SGCZ: variants seen among roughly 807,000 people sequenced by gnomAD.
SGCZ encodes sarcoglycan zeta.
A neutral mutation model predicts 41.3 loss-of-function variants in SGCZ; 40 were observed. That is an observed-to-expected ratio of 0.97 (90% CI 0.75 to 1.26). The LOEUF is 1.26. Among genes scored for constraint, SGCZ ranks in the 50% most tolerant of loss-of-function variants. The pLI, the probability that SGCZ is intolerant of heterozygous loss-of-function variation, is 0.00. For missense variants in SGCZ, 552 were observed against 369.8 expected (o/e 1.49, Z -4.04); for synonymous variants, 206 against 137.5 (o/e 1.50, Z -3.49).
At chr8:14,914,332 T>C (rs192609107) in intron 1 of SGCZ, among the ~76,000 whole-genome samples, 1 of 152,268 alleles carries the variant, frequency 6.6e-6, no homozygotes, top group East Asian at 1.9e-4. Context: ...TTTTTGTATG[T>C]ACATCTCTCA....
chr8:14,513,536 A>ATATATTATTTAATATAATTT (rs1802526537), intron 2 of SGCZ, among the ~76,000 whole-genome samples: 1 of 151,252 alleles, frequency 6.6e-6, no homozygotes, highest in African/African-American at 2.4e-5. Context: ...AATATACATT[A>ATATATTATTTAATATAATTT]AAACAACTCT....
chr8:14,704,041 A>G (rs1381721365), intron 1 of SGCZ, among the ~76,000 whole-genome samples: 1 of 151,990 alleles, frequency 6.6e-6, no homozygotes, highest in Non-Finnish European at 1.5e-5. Flanking sequence ...ATAGCCTCTC[A>G]GTTATACTTA....
At chr8:14,826,949 T>C (rs1459480403) in intron 1 of SGCZ, among the ~76,000 whole-genome samples, 2 of 152,138 alleles carry the variant, frequency 1.3e-5, no homozygotes, top group Non-Finnish European at 2.9e-5. Flanking sequence ...TTAGATCCCA[T>C]TTGTCAATTT....
chr8:14,850,420 A>C (rs911150564), intron 1 of SGCZ, among the ~76,000 whole-genome samples: 3 of 152,184 alleles, frequency 2.0e-5, no homozygotes, highest in African/African-American at 7.2e-5. Context: ...AAGATGGAGA[A>C]AACAAAGGGA....
At chr8:14,699,344 T>A (rs1809063824) in intron 1 of SGCZ, among the ~76,000 whole-genome samples, 1 of 151,200 alleles carries the variant, frequency 6.6e-6, no homozygotes, top group Non-Finnish European at 1.5e-5. Flanking sequence ...CTTCAGCAAG[T>A]CAACAATCAC....
chr8:14,775,175 T>C (rs1034488223), intron 1 of SGCZ, among the ~76,000 whole-genome samples: 77 of 152,180 alleles, frequency 5.1e-4, no homozygotes, highest in African/African-American at 1.7e-3. Flanking sequence ...TTACTGTGTA[T>C]ATGAATCACC....
At chr8:14,325,442 A>G (rs1585365104) in intron 2 of SGCZ, among the ~76,000 whole-genome samples, 1 of 149,712 alleles carries the variant, frequency 6.7e-6, no homozygotes, top group South Asian at 2.1e-4. Context: ...TTCTAACATT[A>G]TATCTCCATT....
chr8:15,081,710 T>C lies in SGCZ; in HGVS notation c.39+155875A>G, dbSNP rs185430722. Among the ~76,000 whole-genome samples, 106 of 152,172 alleles carry C rather than the reference T, an allele frequency of 7.0e-4. 2 individuals carry two copies. The highest frequency in any genetic ancestry group is 2.3e-3 in the African/African-American group (97 of 41,528). Reference sequence around the variant, plus strand: ...AGGGAATGTACACAAGCTGCCAAATTTTCGGATTTTTCTTAACAACACCAA... The same window carrying C: ...AGGGAATGTACACAAGCTGCCAAATCTTCGGATTTTTCTTAACAACACCAA... On this transcript the variant is annotated intron_variant, in intron 1 of 7. Transcript: ENST00000382080.
chr8:15,223,726 C>T (rs1801678046), intron 1 of SGCZ, among the ~76,000 whole-genome samples: 1 of 152,070 alleles, frequency 6.6e-6, no homozygotes, highest in Non-Finnish European at 1.5e-5. Flanking sequence ...ATTGTTTTTA[C>T]TAATTATATT....
chr8:14,458,642 T>C (rs1209554355), intron 2 of SGCZ, among the ~76,000 whole-genome samples: 1 of 152,126 alleles, frequency 6.6e-6, no homozygotes, highest in Admixed American at 6.6e-5. Flanking sequence ...TGTAGCAACA[T>C]GTGGACTAGG....
intron 2 of SGCZ, among the ~76,000 whole-genome samples, chr8:14,353,030 T>A (rs1355825769): frequency 6.6e-6 from 1 of 152,100 alleles, no homozygotes; most frequent in Non-Finnish European, 1.5e-5. Context: ...CGTTCTTACC[T>A]CTATGGACCA....
At chr8:14,834,653 G>A (rs897550821) in intron 1 of SGCZ, among the ~76,000 whole-genome samples, 12 of 152,192 alleles carry the variant, frequency 7.9e-5, no homozygotes. Context: ...TGGAGCGGAA[G>A]TGTATCATTT....
chr8:15,162,691 T>C (rs1332426902), intron 1 of SGCZ, among the ~76,000 whole-genome samples: 1 of 152,236 alleles, frequency 6.6e-6, no homozygotes, highest in African/African-American at 2.4e-5. Flanking sequence ...CCAGGACACC[T>C]TATCATCATC....
chr8:14,976,369 C>A (rs1219370539), intron 1 of SGCZ, among the ~76,000 whole-genome samples: 1 of 152,082 alleles, frequency 6.6e-6, no homozygotes, highest in East Asian at 1.9e-4. Flanking sequence ...ATGTGTGACA[C>A]TTTTTAGAAA....
chr8:15,057,571 C>A (rs1316422360), intron 1 of SGCZ, among the ~76,000 whole-genome samples: 1 of 152,038 alleles, frequency 6.6e-6, no homozygotes, highest in African/African-American at 2.4e-5. Context: ...GCTTATGAAG[C>A]ATTTACAATA....
At chr8:14,902,861 T>A (rs1799011863) in intron 1 of SGCZ, among the ~76,000 whole-genome samples, 1 of 152,172 alleles carries the variant, frequency 6.6e-6, no homozygotes, top group Non-Finnish European at 1.5e-5. Context: ...TTTGCTATAA[T>A]AAATACTTTA....
chr8:15,152,210 T>A (rs1380798398), intron 1 of SGCZ, among the ~76,000 whole-genome samples: 1 of 152,082 alleles, frequency 6.6e-6, no homozygotes, highest in Non-Finnish European at 1.5e-5. Context: ...AATTGCTGAA[T>A]CACAGGAAAC....
intron 1 of SGCZ, among the ~76,000 whole-genome samples, chr8:14,936,835 A>G (rs1223960750): frequency 1.3e-5 from 2 of 151,938 alleles, no homozygotes; most frequent in African/African-American, 4.8e-5. Flanking sequence ...AGATAAAAAT[A>G]AAATCTCAAA....
chr8:14,188,808 G>T (rs1382820006), intron 4 of SGCZ, among the ~76,000 whole-genome samples: 15 of 78,460 alleles, frequency 1.9e-4, no homozygotes, highest in South Asian at 7.1e-4. Context: ...TTTTTTTTTT[G>T]TTTGTTTGTT....
Sources: allele counts gnomAD v4.1 joint callset (sites outside exome capture counted in the v4.1 genomes callset), GRCh38; gene constraint gnomAD v4.1.1; transcripts MANE v1.5; gene names NCBI Gene and HGNC (gene_info 2026-07-23, HGNC 2026-07-21).